Variants in KLKB1 observed in about 807,000 individuals in gnomAD.
The protein encoded by KLKB1 is kallikrein B1.
A neutral mutation model predicts 73.6 loss-of-function variants in KLKB1; 58 were observed. The observed-to-expected ratio is 0.79, with a 90% confidence interval of 0.64 to 0.98. The LOEUF is 0.98. Among genes scored for constraint, KLKB1 ranks in the 50% least tolerant of loss-of-function variants. The pLI, the probability that KLKB1 is intolerant of heterozygous loss-of-function variation, is 0.00. For synonymous variants in KLKB1, 280 were observed against 258.1 expected, an observed-to-expected ratio of 1.08 and a Z score of -0.81; for missense variants, 737 against 763.8, an observed-to-expected ratio of 0.96 and a Z score of 0.41.
At position 186,240,114 on chromosome 4, in the gene KLKB1, TATAGG is replaced by T. The variant is rs1737938885; in HGVS notation, c.598+1751_598+1755del. Among the ~76,000 whole-genome samples the T allele has an allele frequency of 6.6e-5, 8 of 121,578 alleles. No individual in the cohort carries two copies. In the South Asian group the frequency reaches 2.6e-3, roughly 40 times the overall value. 79.8% of individuals were successfully genotyped at this position (121,578 alleles called of 152,430 possible). ...ACTGTTAGAGTTATAGGTACAGTGATATAGGACAGTGATACTGTTATAGTTATAGG... is the reference window on the plus strand; with the variant it reads ...ACTGTTAGAGTTATAGGTACAGTGATACAGTGATACTGTTATAGTTATAGG... On this transcript the variant is annotated intron_variant, in intron 6 of 14. Coordinates refer to ENST00000264690, the MANE Select transcript of KLKB1 (RefSeq NM_000892.5).
chr4:186,220,385 C>T (rs551871759), intron 2 of KLKB1, among the ~76,000 whole-genome samples: 13 of 152,258 alleles, frequency 8.5e-5, no homozygotes, highest in South Asian at 6.2e-4. Context: ...TTCAGGATGA[C>T]GGGAAACAAT....
chr4:186,226,855 C>T (rs960619209), upstream of KLKB1, among the ~76,000 whole-genome samples: 11 of 152,188 alleles, frequency 7.2e-5, no homozygotes, highest in South Asian at 1.2e-3. Flanking sequence ...CTGGGGCTAA[C>T]GTGGAGGCTA....
chr4:186,227,824 T>C (rs956086580), intron 1 of KLKB1, among the ~76,000 whole-genome samples: 3 of 152,212 alleles, frequency 2.0e-5, no homozygotes, highest in South Asian at 4.1e-4. Flanking sequence ...TTTTCTTTAC[T>C]TAGGGATTTT....
chr4:186,253,019 G>A (rs1738794614), intron 11 of KLKB1, among the ~76,000 whole-genome samples: 1 of 152,166 alleles, frequency 6.6e-6, no homozygotes, highest in South Asian at 2.1e-4. Flanking sequence ...GCTTATTAGA[G>A]GTGTGGCCCT....
At chr4:186,210,999 G>T in intron 2 of KLKB1, 1 of 237,396 alleles carries the variant, frequency 4.2e-6, no homozygotes, top group Non-Finnish European at 8.2e-6. Flanking sequence ...ACCATGCCTG[G>T]CTAATTTTTT....
At chr4:186,219,013 G>T (rs1193780654) in intron 2 of KLKB1, among the ~76,000 whole-genome samples, 2 of 152,176 alleles carry the variant, frequency 1.3e-5, no homozygotes, top group African/African-American at 2.4e-5. Flanking sequence ...GAAGAACTTG[G>T]AGTACAATGT....
At chr4:186,240,153 A>G (rs536835822) in intron 6 of KLKB1, among the ~76,000 whole-genome samples, 1 of 150,014 alleles carries the variant, frequency 6.7e-6, no homozygotes, top group Admixed American at 6.7e-5. Flanking sequence ...GGACAGTGAT[A>G]TTCTTATAGT....
At chr4:186,231,412 G>A (rs746243904) in intron 2 of KLKB1, among the ~76,000 whole-genome samples, 3 of 152,134 alleles carry the variant, frequency 2.0e-5, no homozygotes, top group Non-Finnish European at 4.4e-5. Context: ...TTTAGAGCTG[G>A]GAATAATTCC....
intron 6 of KLKB1, among the ~76,000 whole-genome samples, chr4:186,245,508 G>A (rs1738284120): frequency 6.6e-6 from 1 of 152,204 alleles, no homozygotes; most frequent in South Asian, 2.1e-4. Flanking sequence ...ATGAGACACA[G>A]CTTAGGAGGA....
rs1419204161 is a variant in KLKB1 at position 186,228,060 on chromosome 4, T to C, written c.-1-135T>C. 3 of 637,334 alleles carry C rather than the reference T, an allele frequency of 4.7e-6. No individual in the cohort carries two copies. In the East Asian group the frequency reaches 8.5e-5, roughly 18 times the overall value. The allele number at this position is 637,334 out of a possible 1,614,324, so 39.5% of individuals were successfully genotyped here. ...CACAAATGTACCAAAAAAAAACCCT[T>C]GTTTTCTATACCAGTAATTGTGTGC... On this transcript the variant is annotated intron_variant, in intron 1 of 14. Transcript: ENST00000264690.
intron 2 of KLKB1, among the ~76,000 whole-genome samples, chr4:186,214,626 A>C (rs962325824): frequency 7.9e-5 from 12 of 152,210 alleles, no homozygotes; most frequent in Non-Finnish European, 1.5e-4. Context: ...GCTTAACCTA[A>C]CACATCAGTC....
intron 4 of KLKB1, 52 bp downstream of exon 4, chr4:186,234,110 G>T: frequency 7.2e-7 from 1 of 1,382,772 alleles, no homozygotes. Flanking sequence ...ATCTCGCTTA[G>T]AACAGCTTTT....
In KLKB1 at chr4:186,251,491, C is replaced by A. The variant is rs1173411888; in HGVS notation, c.873C>A (p.Pro291=). The A allele has an allele frequency of 6.2e-7, 1 of 1,613,650 alleles. No individual in the cohort carries two copies. Among genetic ancestry groups the A allele is most frequent in the East Asian group, 2.2e-5 (1 of 44,866 alleles). The change falls in exon 9 of 15, where the codon CCC becomes CCA. Residue 291 remains proline (P), a synonymous_variant. Coordinates refer to ENST00000264690, the MANE Select transcript of KLKB1 (RefSeq NM_000892.5). ...LLTCKRTLPE[P]CHSKIYPGVD... The stretch of plus-strand genomic sequence containing the variant: ...TTGTGTTTATAATTGACACAGAACC[C>A]TGCCATTCTAAAATTTACCCGGGAG...
Position 186,254,745 on chromosome 4 carries a change from G to A in KLKB1, c.1471G>A (p.Ala491Thr), listed in dbSNP as rs886920453. 3.1e-6 allele frequency: 5 copies of A among 1,613,606 alleles called. No homozygotes were observed. In the African/African-American group the frequency reaches 6.7e-5, roughly 22 times the overall value. The change falls in exon 12 of 15, where the codon GCT (alanine) becomes ACT (threonine). Residue 491 changes from alanine (A) to threonine (T), a missense_variant. By Grantham distance (58) the Ala-to-Thr change is moderately conservative. Transcript: ENST00000264690. ...TGATATCGCCTTGATAAAACTCCAG[G>A]CTCCTTTGAATTACACTGGTATGTA... The part of the protein sequence containing the change: ...NHDIALIKLQ[A>T]PLNYTEFQKP...
chr4:186,257,394 T>C, intron 14 of KLKB1, 29 bp downstream of exon 14: 1 of 1,548,172 alleles, frequency 6.5e-7, no homozygotes, highest in Non-Finnish European at 8.7e-7. Context: ...AAAAACACAA[T>C]AGGCTGCTTG....
upstream of KLKB1, among the ~76,000 whole-genome samples, chr4:186,222,975 T>C (rs1200548339): frequency 1.3e-5 from 2 of 152,156 alleles, no homozygotes; most frequent in African/African-American, 4.8e-5. Context: ...CGAGGTGTTT[T>C]CCCCCATTAT....
chr4:186,230,699 T>C (rs1321507009), intron 2 of KLKB1, among the ~76,000 whole-genome samples: 1 of 152,170 alleles, frequency 6.6e-6, no homozygotes, highest in Non-Finnish European at 1.5e-5. Flanking sequence ...GACTGTCACA[T>C]AGCAGTTCAC....
At chr4:186,250,823 C>A (rs1738629172) in intron 7 of KLKB1, among the ~76,000 whole-genome samples, 1 of 152,156 alleles carries the variant, frequency 6.6e-6, no homozygotes, top group South Asian at 2.1e-4. Context: ...AGGCTCTGGC[C>A]CACTGTCTTT....
At chr4:186,221,827 TC>T (rs1737038915), upstream of KLKB1, among the ~76,000 whole-genome samples, 1 of 152,236 alleles carries the variant, frequency 6.6e-6, no homozygotes, top group South Asian at 2.1e-4. Context: ...CATTTTGAAA[TC>T]CACAGTTTCC....
Sources: allele counts gnomAD v4.1 joint callset (sites outside exome capture counted in the v4.1 genomes callset), GRCh38; gene constraint gnomAD v4.1.1; transcripts MANE v1.5; gene names NCBI Gene and HGNC (gene_info 2026-07-23, HGNC 2026-07-21).